Variants in BCR observed in about 807,000 individuals in gnomAD.
The protein encoded by BCR is BCR activator of RhoGEF and GTPase.
BCR carries 58 observed loss-of-function variants against 138.6 expected under a neutral mutation model. That is an observed-to-expected ratio of 0.42 (90% CI 0.34 to 0.52). The LOEUF is 0.52. Ranked by LOEUF, BCR falls within the 20% of genes least tolerant of loss-of-function variation. The pLI is 0.06. For missense variants in BCR, 1,599 were observed against 1,727.2 expected, an observed-to-expected ratio of 0.93 and a Z score of 1.32; for synonymous variants, 786 against 730.1, an observed-to-expected ratio of 1.08 and a Z score of -1.23.
At chr22:23,257,213 G>A (rs536939448) in intron 2 of BCR, among the ~76,000 whole-genome samples, 21 of 152,162 alleles carry the variant, frequency 1.4e-4, no homozygotes, top group Non-Finnish European at 3.1e-4. Context: ...CTTAGTCTAA[G>A]GAGAAGTGCC....
intron 1 of BCR, among the ~76,000 whole-genome samples, chr22:23,243,415 A>T (rs899145670): frequency 6.6e-6 from 1 of 152,106 alleles, no homozygotes; most frequent in Admixed American, 6.5e-5. Context: ...AGTCTTGCCT[A>T]CCTAGTGGAA....
chr22:23,245,224 A>G lies in BCR; in HGVS notation c.1280-8575A>G, dbSNP rs367844411. On this transcript the variant is annotated intron_variant, in intron 1 of 22. Coordinates refer to ENST00000305877, the MANE Select transcript of BCR (RefSeq NM_004327.4). ...TACCTGTTTCTCATCTGCGGTGTCTAGGGTTGCCTGGGGAGTCAAGGCATC... is the reference window on the plus strand; with the variant it reads ...TACCTGTTTCTCATCTGCGGTGTCTGGGGTTGCCTGGGGAGTCAAGGCATC... 1.0e-3 allele frequency among the ~76,000 whole-genome samples: 157 copies of G among 152,258 alleles called. 1 individual carries two copies. The highest frequency in any genetic ancestry group is 3.4e-3 in the African/African-American group (142 of 41,532).
At chr22:23,253,508 G>A (rs1027945555) in intron 1 of BCR, among the ~76,000 whole-genome samples, 3 of 152,224 alleles carry the variant, frequency 2.0e-5, no homozygotes, top group Admixed American at 2.0e-4. Flanking sequence ...GGAAAGTAGA[G>A]GGTGGGATAT....
intron 1 of BCR, among the ~76,000 whole-genome samples, chr22:23,231,537 A>ATAAAG (rs1392149042): frequency 2.6e-5 from 4 of 151,618 alleles, no homozygotes; most frequent in African/African-American, 9.7e-5. Context: ...ATAAAATAAA[A>ATAAAG]TAAAATAAAA....
intron 1 of BCR, among the ~76,000 whole-genome samples, chr22:23,237,089 A>T (rs1354344067): frequency 6.6e-6 from 1 of 152,206 alleles, no homozygotes; most frequent in Non-Finnish European, 1.5e-5. Flanking sequence ...TCTTGAAGGA[A>T]GGCCTTTTCC....
chr22:23,262,854 CG>C, intron 4 of BCR: 1 of 1,044,664 alleles, frequency 9.6e-7, no homozygotes, highest in Non-Finnish European at 1.2e-6. Flanking sequence ...AAGGGAAGCC[CG>C]GGCCGCAGAC....
intron 16 of BCR, among the ~76,000 whole-genome samples, chr22:23,302,003 G>T (rs975081691): frequency 1.3e-5 from 2 of 152,174 alleles, no homozygotes; most frequent in African/African-American, 4.8e-5. Context: ...TGTCCCTGCT[G>T]TACTGTGTAT....
At chr22:23,230,905 C>T (rs1253905238) in intron 1 of BCR, among the ~76,000 whole-genome samples, 1 of 152,182 alleles carries the variant, frequency 6.6e-6, no homozygotes, top group Non-Finnish European at 1.5e-5. Context: ...AGCGTTCCTT[C>T]AGGGAATGTG....
intron 16 of BCR, among the ~76,000 whole-genome samples, chr22:23,301,813 C>T (rs1400337806): frequency 6.6e-6 from 1 of 152,200 alleles, no homozygotes; most frequent in Non-Finnish European, 1.5e-5. Context: ...GGTGGCACAG[C>T]GGGTTCCTGG....
In BCR at chr22:23,250,607, T is replaced by A. The variant is rs146975296; in HGVS notation, c.1280-3192T>A. 5.5e-4 allele frequency among the ~76,000 whole-genome samples: 84 copies of A among 152,068 alleles called. 2 individuals carry two copies. In the East Asian group the frequency reaches 0.016, roughly 29 times the overall value. ...TAATGTAAAAGCCAAGTCTGGAGGGTCATGGGGTGGGAGACTAGGGTGAGG... is the reference window on the plus strand; with the variant it reads ...TAATGTAAAAGCCAAGTCTGGAGGGACATGGGGTGGGAGACTAGGGTGAGG... On this transcript the variant is annotated intron_variant, in intron 1 of 22. Transcript: ENST00000305877.
intron 1 of BCR, among the ~76,000 whole-genome samples, chr22:23,247,969 G>A (rs192934315): frequency 9.8e-5 from 15 of 152,312 alleles, no homozygotes; most frequent in East Asian, 7.7e-4. Context: ...TCTGTCAGTG[G>A]ACATTGGGTT....
chr22:23,273,100 G>A lies in BCR; in HGVS notation c.1941G>A (p.Val647=). The A allele has an allele frequency of 6.2e-7, 1 of 1,613,632 alleles. No homozygotes were observed. The highest frequency in any genetic ancestry group is 1.7e-5 in the Admixed American group (1 of 60,018). Residue 647 remains valine, a synonymous_variant, in exon 7 of 23, where the codon GTG becomes GTA. Coordinates refer to ENST00000305877, the MANE Select transcript of BCR (RefSeq NM_004327.4). ...NSLETLLYKP[V]DRVTRSTLVL... ...CCACAGCTCTGCTCTACAAGCCTGT[G>A]GACCGTGTGACGAGGAGCACGCTGG...
intron 1 of BCR, among the ~76,000 whole-genome samples, chr22:23,245,814 A>G (rs1200956053): frequency 6.6e-6 from 1 of 152,178 alleles, no homozygotes; most frequent in Non-Finnish European, 1.5e-5. Flanking sequence ...TTAAAAAAAA[A>G]AAAAAATTGA....
At position 23,251,583 on chromosome 22, in the gene BCR, G is replaced by A. The variant is rs115899273; in HGVS notation, c.1280-2216G>A. The stretch of plus-strand genomic sequence containing the variant: ...TCTCCCCGGCCTTCCACGTGGAAAG[G>A]ACTGACAACAGTCTCCACTTCAGGA... On this transcript the variant is annotated intron_variant, in intron 1 of 22. Coordinates refer to ENST00000305877, the MANE Select transcript of BCR (RefSeq NM_004327.4). Among the ~76,000 whole-genome samples the A allele has an allele frequency of 2.4e-3, 373 of 152,370 alleles. 1 individual carries two copies. Among genetic ancestry groups the A allele is most frequent in the African/African-American group, 8.4e-3 (350 of 41,590 alleles).
intron 2 of BCR, among the ~76,000 whole-genome samples, chr22:23,257,401 GC>G (rs1232803809): frequency 6.6e-6 from 1 of 152,196 alleles, no homozygotes; most frequent in Non-Finnish European, 1.5e-5. Flanking sequence ...TCCCACCCAC[GC>G]CGGCACAAGC....
At chr22:23,264,020 A>G (rs1448154629) in intron 4 of BCR, 1 of 911,446 alleles carries the variant, frequency 1.1e-6, no homozygotes, top group Admixed American at 1.7e-5. Flanking sequence ...TGGATGTCAT[A>G]TATGAGTCCC....
chr22:23,299,927 T>TCAGAG, intron 16 of BCR, among the ~76,000 whole-genome samples: 1 of 152,102 alleles, frequency 6.6e-6, no homozygotes, highest in South Asian at 2.1e-4. Context: ...AGTTCAGAGT[T>TCAGAG]TGGACTCCCA....
intron 4 of BCR, chr22:23,263,798 G>A: frequency 7.4e-7 from 1 of 1,356,122 alleles, no homozygotes; most frequent in African/African-American, 1.4e-5. Flanking sequence ...CGGCCAAGGT[G>A]TGGCCTTTGG....
intron 16 of BCR, among the ~76,000 whole-genome samples, chr22:23,301,203 A>G (rs5759689): frequency 0.44 from 67,537 of 152,220 alleles, 16,298 homozygotes; most frequent in African/African-American, 0.64. Flanking sequence ...CTACTCGGGA[A>G]GCCAAGGTAG....
Sources: gnomAD v4.1 joint callset for allele counts (sites outside exome capture counted in the v4.1 genomes callset) on GRCh38, gnomAD v4.1.1 for gene constraint, MANE v1.5 for transcripts, NCBI Gene and HGNC (gene_info 2026-07-23, HGNC 2026-07-21) for gene names.